Variants in STARD10 observed in about 807,000 individuals in gnomAD.
STARD10 encodes StAR related lipid transfer domain containing 10.
A neutral mutation model predicts 36.0 loss-of-function variants in STARD10; 24 were observed. The observed-to-expected ratio is 0.67, with a 90% CI of 0.48 to 0.94. STARD10 has a LOEUF of 0.94. STARD10 is among the 40% of genes least tolerant of loss of function. The pLI is 0.00. For missense variants in STARD10, 335 were observed against 396.6 expected, an observed-to-expected ratio of 0.84 and a Z score of 1.32; for synonymous variants, 156 against 161.9, an observed-to-expected ratio of 0.96 and a Z score of 0.28.
At chr11:72,755,193 TCTC>T (rs1457538734) in intron 6 of STARD10, 51 bp from the exon 7 acceptor site, 1 of 1,553,082 alleles carries the variant, frequency 6.4e-7, no homozygotes, top group African/African-American at 1.3e-5. Flanking sequence ...GGGCAGGTCT[TCTC>T]CACACCCCCC....
intron 2 of STARD10, chr11:72,766,084 C>A (rs1858785021): frequency 1.3e-5 from 2 of 152,134 alleles, no homozygotes; most frequent in South Asian, 4.1e-4. Context: ...TACTGTTTTC[C>A]CCCTTCTCAC....
chr11:72,792,018 G>C (rs1169528339), intron 1 of STARD10, among the ~76,000 whole-genome samples: 2 of 149,652 alleles, frequency 1.3e-5, no homozygotes, highest in Admixed American at 1.3e-4. Flanking sequence ...GGGACTACCG[G>C]CATACACCAC....
chr11:72,776,333 G>A (rs1858930353), intron 2 of STARD10, among the ~76,000 whole-genome samples: 1 of 152,238 alleles, frequency 6.6e-6, no homozygotes, highest in African/African-American at 2.4e-5. Flanking sequence ...AGCCAAGCTA[G>A]AGCCTGAACT....
chr11:72,758,755 C>T (rs1331743493), intron 3 of STARD10, 122 bp from the exon 4 acceptor site: 10 of 670,286 alleles, frequency 1.5e-5, no homozygotes, highest in Non-Finnish European at 2.3e-5. Flanking sequence ...TGCAAAGATA[C>T]ACCTCCCTCC....
At chr11:72,788,102 G>A (rs1166464679) in intron 1 of STARD10, among the ~76,000 whole-genome samples, 1 of 152,150 alleles carries the variant, frequency 6.6e-6, no homozygotes, top group Non-Finnish European at 1.5e-5. Flanking sequence ...GCCTGCTTGG[G>A]GATCCTGGAC....
chr11:72,790,337 C>G (rs1027777198), intron 1 of STARD10: 1 of 149,192 alleles, frequency 6.7e-6, no homozygotes, highest in African/African-American at 2.5e-5. Flanking sequence ...TCACGCTTAC[C>G]TCGCCGTGGG....
intron 6 of STARD10, 32 bp downstream of exon 6, chr11:72,755,669 A>G (rs377635812): frequency 1.2e-5 from 20 of 1,612,284 alleles, no homozygotes; most frequent in East Asian, 2.2e-5. Flanking sequence ...CCAGTCTTCA[A>G]CACCCCTCCC....
intron 2 of STARD10, among the ~76,000 whole-genome samples, chr11:72,779,736 T>G (rs988040501): frequency 6.6e-6 from 1 of 151,758 alleles, no homozygotes; most frequent in African/African-American, 2.4e-5. Context: ...GAGACACACA[T>G]GGAAACCCAG....
chr11:72,789,639 T>C (rs7950439), intron 1 of STARD10, among the ~76,000 whole-genome samples: 2 of 152,152 alleles, frequency 1.3e-5, no homozygotes, highest in African/African-American at 4.8e-5. Context: ...AGGTCCACAT[T>C]CCAGGGGCTG....
At chr11:72,770,940 T>C (rs1011202385) in intron 2 of STARD10, among the ~76,000 whole-genome samples, 1 of 152,232 alleles carries the variant, frequency 6.6e-6, no homozygotes, top group African/African-American at 2.4e-5. Context: ...GAAATGGAGC[T>C]GTCCTTTAGG....
intron 2 of STARD10, among the ~76,000 whole-genome samples, chr11:72,770,785 G>A (rs1386386527): frequency 6.6e-6 from 1 of 152,194 alleles, no homozygotes. Context: ...CAGGAGAGGA[G>A]ACGGCACCCA....
intron 2 of STARD10, among the ~76,000 whole-genome samples, chr11:72,767,950 T>C (rs952089451): frequency 1.3e-5 from 2 of 152,162 alleles, no homozygotes; most frequent in African/African-American, 4.8e-5. Context: ...CCCCAGCAAC[T>C]TTCCCTGATT....
At chr11:72,773,834 C>T (rs1466409295) in intron 2 of STARD10, among the ~76,000 whole-genome samples, 1 of 152,218 alleles carries the variant, frequency 6.6e-6, no homozygotes, top group African/African-American at 2.4e-5. Context: ...GCTCGTCACC[C>T]GTTCAGGATG....
chr11:72,773,571 A>G (rs1422156220), intron 2 of STARD10, among the ~76,000 whole-genome samples: 1 of 152,156 alleles, frequency 6.6e-6, no homozygotes, highest in Non-Finnish European at 1.5e-5. Flanking sequence ...TACCTTCAAC[A>G]CAGATTGACT....
intron 2 of STARD10, among the ~76,000 whole-genome samples, chr11:72,772,103 G>A (rs1171992199): frequency 2.0e-5 from 3 of 152,226 alleles, no homozygotes; most frequent in Non-Finnish European, 4.4e-5. Context: ...CATGCTTAGC[G>A]CTGCCATAGC....
chr11:72,786,834 C>T (rs1859079362), intron 1 of STARD10, among the ~76,000 whole-genome samples: 1 of 152,096 alleles, frequency 6.6e-6, no homozygotes, highest in African/African-American at 2.4e-5. Flanking sequence ...AATTCCAGTG[C>T]TTTGAGATGC....
intron 2 of STARD10, among the ~76,000 whole-genome samples, chr11:72,769,580 G>C (rs1015133192): frequency 7.9e-5 from 12 of 152,030 alleles, no homozygotes; most frequent in African/African-American, 2.9e-4. Flanking sequence ...CTGGGCTTAA[G>C]CGATCCTCCC....
chr11:72,756,303 G>A (rs1419118531), intron 5 of STARD10, among the ~76,000 whole-genome samples: 1 of 152,186 alleles, frequency 6.6e-6, no homozygotes, highest in African/African-American at 2.4e-5. Context: ...GGGAGTGCTA[G>A]GCCTGGACCA....
chr11:72,789,316 T>G (rs1859113404), intron 1 of STARD10, among the ~76,000 whole-genome samples: 1 of 152,230 alleles, frequency 6.6e-6, no homozygotes, highest in African/African-American at 2.4e-5. Flanking sequence ...TTCCGCCAGG[T>G]CTGGCATCTG....
Sources: gnomAD v4.1 joint callset for allele counts (sites outside exome capture counted in the v4.1 genomes callset) on GRCh38, gnomAD v4.1.1 for gene constraint, MANE v1.5 for transcripts, NCBI Gene and HGNC (gene_info 2026-07-23, HGNC 2026-07-21) for gene names.